SMARCAL1: variants seen among roughly 807,000 people sequenced by gnomAD.
The protein encoded by SMARCAL1 is SNF2 related chromatin remodeling annealing helicase 1.
Under a neutral mutation model 94.5 loss-of-function variants are expected in SMARCAL1, and 58 were observed. The ratio of observed to expected loss-of-function variants is 0.61; its 90% CI spans 0.50 to 0.76. The LOEUF (loss-of-function observed/expected upper bound fraction) is 0.76. Among genes scored for constraint, SMARCAL1 ranks in the 30% least tolerant of loss-of-function variants. The pLI is 0.00. For synonymous variants in SMARCAL1, 422 were observed against 455.1 expected (o/e 0.93, Z 0.93); for missense variants, 1,051 against 1,177.9 (o/e 0.89, Z 1.58).
Position 216,477,178 on chromosome 2 carries a change from G to T in SMARCAL1, c.2497G>T (p.Val833Leu), listed in dbSNP as rs756015461. 2 of 1,598,144 alleles carry T rather than the reference G, an allele frequency of 1.3e-6. No homozygotes were observed. Among genetic ancestry groups the T allele is most frequent in the South Asian group, 2.3e-5 (2 of 87,802 alleles). Residue 833 changes from valine to leucine, a missense_variant, in exon 16 of 18, where the codon GTG becomes TTG. Transcript: ENST00000357276. ...QTSSVGIHYL[V>L]AKGTADDYLW... ...CAGCTCCGTGGGCATTCACTACCTCGTGGCAAAGGGCACAGCTGATGACTA... is the reference window on the plus strand; with the variant it reads ...CAGCTCCGTGGGCATTCACTACCTCTTGGCAAAGGGCACAGCTGATGACTA...
At chr2:216,478,116 C>A in intron 16 of SMARCAL1, 87 bp from the exon 17 acceptor site, 1 of 1,033,988 alleles carries the variant, frequency 9.7e-7, no homozygotes, top group Non-Finnish European at 1.5e-6. Flanking sequence ...GCCGTTGTCC[C>A]ATAAGAACAA....
chr2:216,472,490 ATGAG>A (rs1296756452), intron 14 of SMARCAL1, among the ~76,000 whole-genome samples: 1 of 152,140 alleles, frequency 6.6e-6, no homozygotes, highest in Non-Finnish European at 1.5e-5. Context: ...TATTTTTGCA[ATGAG>A]TGTGTATTAT....
rs192080306 is a variant in SMARCAL1 at position 216,462,288 on chromosome 2, G to C, written c.2071-2309G>C. Among the ~76,000 whole-genome samples the C allele has an allele frequency of 3.5e-4, 53 of 152,284 alleles. No individual in the cohort carries two copies. In the South Asian group the frequency reaches 6.2e-3, roughly 18 times the overall value. On this transcript the variant is annotated intron_variant, in intron 12 of 17. Coordinates refer to ENST00000357276, the MANE Select transcript of SMARCAL1 (RefSeq NM_014140.4). ...ATGGCATGAGTGAGTGTAGGTGGGAGGGGTAGGCTCTCTCTGAAGGACACG... is the reference window on the plus strand; with the variant it reads ...ATGGCATGAGTGAGTGTAGGTGGGACGGGTAGGCTCTCTCTGAAGGACACG...
chr2:216,447,040 T>C lies in SMARCAL1; in HGVS notation c.1733T>C (p.Leu578Ser), dbSNP rs1445488994. Reference sequence around the variant, plus strand: ...TAGGTTGCCAAGAGGGTGATCCTGTTGTCGGGCACACCAGCCATGTCCCGG... The same window carrying C: ...TAGGTTGCCAAGAGGGTGATCCTGTCGTCGGGCACACCAGCCATGTCCCGG... ...VLKVAKRVIL[L>S]SGTPAMSRPA... Residue 578 changes from leucine (L) to serine (S), a missense_variant, in exon 11 of 18, where the codon TTG (leucine) becomes TCG (serine). Transcript: ENST00000357276. 6.2e-7 allele frequency: 1 copy of C among 1,613,914 alleles called. No individual in the cohort carries two copies. The highest frequency in any genetic ancestry group is 1.3e-5 in the African/African-American group (1 of 74,876).
chr2:216,426,241 A>G (rs1388401674), intron 6 of SMARCAL1, among the ~76,000 whole-genome samples: 2 of 152,156 alleles, frequency 1.3e-5, no homozygotes, highest in African/African-American at 4.8e-5. Context: ...AAACACACAC[A>G]TGTTAGCTAT....
intron 4 of SMARCAL1, among the ~76,000 whole-genome samples, chr2:216,417,925 G>A (rs12620580): frequency 0.057 from 8,700 of 152,000 alleles, 535 homozygotes; most frequent in East Asian, 0.16. Flanking sequence ...GTGTGATATC[G>A]TTACTTTTTT....
At chr2:216,417,167 C>T (rs147562979) in intron 4 of SMARCAL1, among the ~76,000 whole-genome samples, 1 of 152,340 alleles carries the variant, frequency 6.6e-6, no homozygotes, top group East Asian at 1.9e-4. Flanking sequence ...GGCACCAGTA[C>T]AGTTTCTGGG....
At chr2:216,480,181 T>G (rs1695166294) in intron 17 of SMARCAL1, among the ~76,000 whole-genome samples, 1 of 152,262 alleles carries the variant, frequency 6.6e-6, no homozygotes, top group Admixed American at 6.5e-5. Context: ...GTAATATAAA[T>G]GAGTTTTATC....
At chr2:216,425,950 C>T (rs958262376) in intron 6 of SMARCAL1, among the ~76,000 whole-genome samples, 1 of 152,210 alleles carries the variant, frequency 6.6e-6, no homozygotes, top group African/African-American at 2.4e-5. Context: ...TGTGGACCCA[C>T]CCCTGTCTGC....
rs192594538 is a variant in SMARCAL1 at position 216,475,941 on chromosome 2, T to G, written c.2427+490T>G. Among the ~76,000 whole-genome samples the G allele has an allele frequency of 6.6e-6, 1 of 151,554 alleles. No homozygotes were observed. Among genetic ancestry groups the G allele is most frequent in the Non-Finnish European group, 1.5e-5 (1 of 67,926 alleles). Reference sequence around the variant, plus strand: ...CTCAAGGGGTGAGGCAGGACTGCACTGCCATAACTGAAGAGGGCACTTGGT... The same window carrying G: ...CTCAAGGGGTGAGGCAGGACTGCACGGCCATAACTGAAGAGGGCACTTGGT... On this transcript the variant is annotated intron_variant, in intron 15 of 17. Transcript: ENST00000357276. This position sits in a 1 kb window ranked among gnomAD's most constrained non-coding sequence, Gnocchi z 4.4.
At chr2:216,444,812 C>T (rs1482468512) in intron 10 of SMARCAL1, among the ~76,000 whole-genome samples, 14 of 152,160 alleles carry the variant, frequency 9.2e-5, no homozygotes, top group East Asian at 1.9e-4. Context: ...CCATCATGCC[C>T]GGTCAACTCT....
rs574691201 is a variant in SMARCAL1 at position 216,456,332 on chromosome 2, T to G, written c.2070+5268T>G. Among the ~76,000 whole-genome samples, 501 of 152,146 alleles carry G rather than the reference T, an allele frequency of 3.3e-3. 2 individuals are homozygous for G. The highest frequency in any genetic ancestry group is 0.012 in the African/African-American group (481 of 41,504). On this transcript the variant is annotated intron_variant, in intron 12 of 17. Transcript: ENST00000357276. Reference sequence around the variant, plus strand: ...AAGGCAGGCCAACATTCAAATTCAGTAAATACAGAGAACGCCACAAAGATA... The same window carrying G: ...AAGGCAGGCCAACATTCAAATTCAGGAAATACAGAGAACGCCACAAAGATA...
At chr2:216,435,887 T>G (rs1216065458) in intron 9 of SMARCAL1, among the ~76,000 whole-genome samples, 1 of 152,144 alleles carries the variant, frequency 6.6e-6, no homozygotes, top group Non-Finnish European at 1.5e-5. Context: ...ACTCAAACAA[T>G]TGAGTTTTCT....
chr2:216,480,797 A>G (rs1270102624), intron 17 of SMARCAL1, among the ~76,000 whole-genome samples: 1 of 152,218 alleles, frequency 6.6e-6, no homozygotes, highest in East Asian at 1.9e-4. Flanking sequence ...CTGAAAAGCC[A>G]GGGGAGCAAC....
At chr2:216,417,558 C>T (rs1287428544) in intron 4 of SMARCAL1, among the ~76,000 whole-genome samples, 5 of 152,212 alleles carry the variant, frequency 3.3e-5, no homozygotes, top group African/African-American at 1.2e-4. Context: ...CCTTGGTGAC[C>T]TCATTTAACT....
Position 216,475,312 on chromosome 2 carries a change from A to AGCG in SMARCAL1, c.2290_2292dup (p.Arg764dup). 1 of 1,614,168 alleles carries AGCG rather than the reference A, an allele frequency of 6.2e-7. No individual in the cohort carries two copies. Among genetic ancestry groups the AGCG allele is most frequent in the South Asian group, 1.1e-5 (1 of 91,080 alleles). Reference sequence around the variant, plus strand: ...ATCGATGGCTCCACCTCATCAGCTGAGCGGGAGGACCTGTGCCAGCAGTTC... The same window carrying AGCG: ...ATCGATGGCTCCACCTCATCAGCTGAGCGGCGGGAGGACCTGTGCCAGCAGTTC... On this transcript the variant is annotated inframe_insertion, in exon 15 of 18. Transcript: ENST00000357276. This position sits in a 1 kb window ranked among gnomAD's most constrained non-coding sequence, Gnocchi z 4.4.
chr2:216,426,507 A>G lies in SMARCAL1; in HGVS notation c.1148-2089A>G, dbSNP rs560017222. On this transcript the variant is annotated intron_variant, in intron 6 of 17. Coordinates refer to ENST00000357276, the MANE Select transcript of SMARCAL1 (RefSeq NM_014140.4). The stretch of plus-strand genomic sequence containing the variant: ...TCCATAGATCCTGAGTGAAGATTCT[A>G]GATTTAGAGTTTTTACCTGCTATCT... 4.6e-5 allele frequency among the ~76,000 whole-genome samples: 7 copies of G among 152,232 alleles called. No individual in the cohort carries two copies. In the South Asian group the frequency reaches 1.2e-3, roughly 27 times the overall value.
chr2:216,421,086 G>A (rs6708185), intron 5 of SMARCAL1, among the ~76,000 whole-genome samples: 75,950 of 151,858 alleles, frequency 0.5, 19,169 homozygotes, highest in African/African-American at 0.55. Context: ...AAATGCTGGT[G>A]GTTCTGCTCT....
chr2:216,470,307 C>G (rs769398106), intron 14 of SMARCAL1, among the ~76,000 whole-genome samples: 2 of 151,966 alleles, frequency 1.3e-5, no homozygotes, highest in Non-Finnish European at 2.9e-5. Flanking sequence ...CACACCACCA[C>G]GCCCAGCTAA....
Sources: gnomAD v4.1 joint callset for allele counts (sites outside exome capture counted in the v4.1 genomes callset) on GRCh38, gnomAD v4.1.1 for gene constraint, Gnocchi (gnomAD v3.1) non-coding constraint, MANE v1.5 for transcripts, NCBI Gene and HGNC (gene_info 2026-07-23, HGNC 2026-07-21) for gene names.